CD55: variants seen among roughly 807,000 people sequenced by gnomAD.
CD55 encodes complement decay-accelerating factor.
In CD55, 41 loss-of-function variants were observed where a neutral mutation model predicts 45.8. The observed-to-expected ratio is 0.90, with a 90% CI of 0.70 to 1.16. CD55 has a LOEUF of 1.16. Among genes scored for constraint, CD55 ranks in the 50% most tolerant of loss-of-function variants. The pLI, the probability that CD55 is intolerant of heterozygous loss-of-function variation, is 0.00. For synonymous variants in CD55, 181 were observed against 181.1 expected (o/e 1.00, Z 0.01); for missense variants, 416 against 469.8 (o/e 0.89, Z 1.06).
intron 2 of CD55, among the ~76,000 whole-genome samples, chr1:207,323,643 A>G (rs548665638): frequency 6.6e-6 from 1 of 152,378 alleles, no homozygotes; most frequent in East Asian, 1.9e-4. Context: ...ACTTAAATCA[A>G]TAGAAGCTAC....
At chr1:207,322,681 A>G in intron 2 of CD55, 114 bp downstream of exon 2, 1 of 901,998 alleles carries the variant, frequency 1.1e-6, no homozygotes, top group Non-Finnish European at 1.7e-6. Flanking sequence ...ACTAAACCCC[A>G]GGGTATACCC....
Position 207,331,255 on chromosome 1 carries a change from A to G in CD55, c.812A>G (p.Asn271Ser). Reference protein sequence around the residue: ...GEHSIYCTVNNDEGEWSGPPP... With the variant: ...GEHSIYCTVNSDEGEWSGPPP... ...CACTCTATTTATTGTACTGTGAATAATGATGAAGGAGAGTGGAGTGGCCCA... is the reference window on the plus strand; with the variant it reads ...CACTCTATTTATTGTACTGTGAATAGTGATGAAGGAGAGTGGAGTGGCCCA... Residue 271 changes from asparagine to serine, a missense_variant, in exon 6 of 10, where the codon AAT becomes AGT. Asn to Ser is a conservative substitution (Grantham distance 46). Around this residue, in one of 3 missense-constraint regions of CD55, gnomAD observed 182 missense variants for 201.4 expected, o/e 0.90. Transcript: ENST00000367064. 1 of 1,613,896 alleles carries G rather than the reference A, an allele frequency of 6.2e-7. No individual in the cohort carries two copies. Among genetic ancestry groups the G allele is most frequent in the East Asian group, 2.2e-5 (1 of 44,860 alleles).
At chr1:207,322,634 C>G in intron 2 of CD55, 67 bp downstream of exon 2, 1 of 1,309,194 alleles carries the variant, frequency 7.6e-7, no homozygotes. Context: ...TTTTATATAC[C>G]TTTGGAGTGA....
At chr1:207,345,687 T>C (rs1412000065) in intron 9 of CD55, among the ~76,000 whole-genome samples, 1 of 152,214 alleles carries the variant, frequency 6.6e-6, no homozygotes, top group Non-Finnish European at 1.5e-5. Context: ...TCTGTGCATC[T>C]GATGTGATAT....
intron 6 of CD55, among the ~76,000 whole-genome samples, chr1:207,336,102 T>C (rs1655160509): frequency 6.6e-6 from 1 of 152,162 alleles, no homozygotes; most frequent in Non-Finnish European, 1.5e-5. Flanking sequence ...TTTCAGAATA[T>C]GTTCTTAATG....
At chr1:207,326,889 A>AGGT (rs765799348) in intron 5 of CD55, 52 bp downstream of exon 5, 2 of 1,275,724 alleles carry the variant, frequency 1.6e-6, no homozygotes, top group African/African-American at 3.0e-5. Flanking sequence ...GTACTCAATG[A>AGGT]TAAATTAATT....
rs574003869 is a variant in CD55, at chr1:207,359,562, G to A, written c.1098G>A (p.Thr366=). The A allele has an allele frequency of 1.6e-5, 24 of 1,529,406 alleles. No individual in the cohort carries two copies. The highest frequency in any genetic ancestry group is 6.0e-5 in the Admixed American group (3 of 49,882). 94.7% of individuals were successfully genotyped at this position (1,529,406 alleles called of 1,614,324 possible). Reference sequence around the variant, plus strand: ...AATTTTCAGGGCACACGTGTTTCACGTTGACAGGTTTGCTTGGGACGCTAG... The same window carrying A: ...AATTTTCAGGGCACACGTGTTTCACATTGACAGGTTTGCTTGGGACGCTAG... ...TRLLSGHTCF[T]LTGLLGTLVT... Residue 366 remains threonine (T), a synonymous_variant, in exon 10 of 10, where the codon ACG becomes ACA. Transcript: ENST00000367064.
At chr1:207,349,382 C>T (rs564967590) in intron 9 of CD55, among the ~76,000 whole-genome samples, 5 of 152,130 alleles carry the variant, frequency 3.3e-5, no homozygotes, top group African/African-American at 1.2e-4. Context: ...GAGGTTTCAC[C>T]ATGTTGGCCA....
intron 9 of CD55, among the ~76,000 whole-genome samples, chr1:207,351,845 T>G (rs1410094556): frequency 6.6e-6 from 1 of 152,172 alleles, no homozygotes; most frequent in Non-Finnish European, 1.5e-5. Flanking sequence ...AAACTTTCCT[T>G]AGTCGGCATT....
chr1:207,353,964 T>G, intron 9 of CD55: 1 of 1,520,516 alleles, frequency 6.6e-7, no homozygotes, highest in Non-Finnish European at 8.8e-7. Flanking sequence ...TTTCCATAAC[T>G]TTTTGTTTTC....
At chr1:207,337,460 T>C (rs1558150359) in intron 8 of CD55, 51 bp downstream of exon 8, 3 of 991,300 alleles carry the variant, frequency 3.0e-6, no homozygotes, top group Non-Finnish European at 4.9e-6. Context: ...TGTGCTATGG[T>C]GGAAATATGA....
At chr1:207,337,053 C>A in intron 7 of CD55, 1 of 614,200 alleles carries the variant, frequency 1.6e-6, no homozygotes, top group Non-Finnish European at 2.9e-6. Flanking sequence ...CTTCAGAAAC[C>A]CACCAGAGCA....
intron 9 of CD55, among the ~76,000 whole-genome samples, chr1:207,347,753 C>A (rs1217014473): frequency 6.6e-6 from 1 of 152,188 alleles, no homozygotes; most frequent in African/African-American, 2.4e-5. Flanking sequence ...CTCAAATAAG[C>A]CCTGGTGGCC....
At position 207,347,291 on chromosome 1, in the gene CD55, G is replaced by A. The variant is rs1448061085; in HGVS notation, c.1081+7874G>A. ...TTTTTTTTTTTTTAGACGGAATCTC[G>A]CTCTGTCACCCAGGCTGGAGTGCAG... On this transcript the variant is annotated intron_variant, in intron 9 of 9. Coordinates refer to ENST00000367064, the MANE Select transcript of CD55 (RefSeq NM_000574.5). 1.1e-4 allele frequency: 47 copies of A among 443,826 alleles called. 1 individual carries two copies. Among genetic ancestry groups the A allele is most frequent in the South Asian group, 5.6e-4 (35 of 62,842 alleles). 27.5% of individuals were successfully genotyped at this position (443,826 alleles called of 1,614,324 possible). A position where few individuals can be genotyped will look rare whatever the true frequency, so the allele number is the denominator to read the frequency against.
intron 9 of CD55, chr1:207,347,343 T>C (rs1655684326): frequency 1.3e-5 from 5 of 388,496 alleles, no homozygotes; most frequent in South Asian, 9.6e-5. Flanking sequence ...CACTGCAAGC[T>C]CTGCCTCCCG....
At chr1:207,344,583 C>T (rs1310540844) in intron 9 of CD55, among the ~76,000 whole-genome samples, 1 of 152,164 alleles carries the variant, frequency 6.6e-6, no homozygotes, top group Non-Finnish European at 1.5e-5. Context: ...AAGGTTTCTG[C>T]TGAGAAATCC....
At chr1:207,358,985 G>T (rs952977138) in intron 9 of CD55, among the ~76,000 whole-genome samples, 4 of 152,040 alleles carry the variant, frequency 2.6e-5, no homozygotes, top group Non-Finnish European at 5.9e-5. Flanking sequence ...GACCTACCTT[G>T]TATTTCTCCT....
At chr1:207,356,402 C>T (rs1349925744) in intron 9 of CD55, among the ~76,000 whole-genome samples, 1 of 152,052 alleles carries the variant, frequency 6.6e-6, no homozygotes, top group Non-Finnish European at 1.5e-5. Flanking sequence ...TTCAAAGGCG[C>T]ATTTCAAAGC....
At chr1:207,350,633 T>C (rs1350195759) in intron 9 of CD55, among the ~76,000 whole-genome samples, 4 of 152,222 alleles carry the variant, frequency 2.6e-5, no homozygotes, top group Admixed American at 2.6e-4. Context: ...TTTTCTAGTT[T>C]ATGTACATAG....
Sources: gnomAD v4.1 joint callset for allele counts (sites outside exome capture counted in the v4.1 genomes callset) on GRCh38, gnomAD v4.1.1 for gene constraint, gnomAD v4.1.1 regional missense constraint, MANE v1.5 for transcripts, NCBI Gene and HGNC (gene_info 2026-07-23, HGNC 2026-07-21) for gene names.